Variants in EYA1 observed in about 807,000 individuals in gnomAD.
EYA1 encodes the protein protein phosphatase EYA1.
In EYA1, 16 loss-of-function variants were observed where a neutral mutation model predicts 82.0. That is an observed-to-expected ratio of 0.20 (90% confidence interval 0.13 to 0.30). The LOEUF is 0.30. Ranked by LOEUF, EYA1 falls within the 10% of genes least tolerant of loss-of-function variation. The pLI is 1.00. For missense variants in EYA1, 633 were observed against 730.7 expected, an observed-to-expected ratio of 0.87 and a Z score of 1.54; for synonymous variants, 261 against 264.4, an observed-to-expected ratio of 0.99 and a Z score of 0.12.
At position 71,314,894 on chromosome 8, in the gene EYA1, A is replaced by G. The variant is rs1339462158; in HGVS notation, c.556+2658T>C. Among the ~76,000 whole-genome samples, 3 of 152,250 alleles carry G rather than the reference A, an allele frequency of 2.0e-5. No homozygotes were observed. The East Asian group carries it at 5.8e-4, about 29-fold the overall frequency. On this transcript the variant is annotated intron_variant, in intron 7 of 17. Coordinates refer to ENST00000340726, the MANE Select transcript of EYA1 (RefSeq NM_000503.6). ...ATAATAAATCTATGGCTAGAAAAGCAGTGCCTAATTTGGTGCTATACATGT... is the reference window on the plus strand; with the variant it reads ...ATAATAAATCTATGGCTAGAAAAGCGGTGCCTAATTTGGTGCTATACATGT...
chr8:71,374,439 C>G (rs1254517716), intron 2 of EYA1, among the ~76,000 whole-genome samples: 1 of 152,014 alleles, frequency 6.6e-6, no homozygotes, highest in African/African-American at 2.4e-5. Context: ...TGAGATATCA[C>G]CTTACACCTG....
chr8:71,438,896 A>G (rs1563614747), intron 2 of EYA1, among the ~76,000 whole-genome samples: 2 of 152,150 alleles, frequency 1.3e-5, no homozygotes, highest in African/African-American at 4.8e-5. Flanking sequence ...CTGACAGGTC[A>G]CAGCAGTTCA....
intron 2 of EYA1, among the ~76,000 whole-genome samples, chr8:71,390,311 C>G (rs1829205847): frequency 6.6e-6 from 1 of 150,994 alleles, no homozygotes; most frequent in South Asian, 2.1e-4. Context: ...CACTCTGTTG[C>G]CCAGGCTGGA....
At chr8:71,227,195 G>A (rs888420413) in intron 12 of EYA1, among the ~76,000 whole-genome samples, 2 of 151,528 alleles carry the variant, frequency 1.3e-5, no homozygotes, top group African/African-American at 4.8e-5. Context: ...TTTTGGAACA[G>A]CAACTCAGAA....
chr8:71,270,742 A>G (rs1816419486), intron 10 of EYA1, among the ~76,000 whole-genome samples: 1 of 152,184 alleles, frequency 6.6e-6, no homozygotes. Flanking sequence ...CCCCCAAAAT[A>G]TGTCTCATTA....
At chr8:71,407,562 C>T (rs1830327445) in intron 2 of EYA1, among the ~76,000 whole-genome samples, 1 of 134,972 alleles carries the variant, frequency 7.4e-6, no homozygotes, top group Non-Finnish European at 1.6e-5. Context: ...GGCTCGAGAA[C>T]TACGTGAAGA....
At chr8:71,375,861 T>A (rs1828343209) in intron 2 of EYA1, among the ~76,000 whole-genome samples, 1 of 152,140 alleles carries the variant, frequency 6.6e-6, no homozygotes, top group South Asian at 2.1e-4. Context: ...ACTCCTGACC[T>A]CAGGTGATCC....
At chr8:71,350,573 C>A (rs1451273374) in intron 3 of EYA1, among the ~76,000 whole-genome samples, 1 of 152,092 alleles carries the variant, frequency 6.6e-6, no homozygotes, top group African/African-American at 2.4e-5. Flanking sequence ...TTCCTGAAAC[C>A]CTATGTGCAG....
intron 9 of EYA1, among the ~76,000 whole-genome samples, chr8:71,281,255 T>G (rs1817783775): frequency 6.6e-6 from 1 of 152,194 alleles, no homozygotes; most frequent in Non-Finnish European, 1.5e-5. Context: ...GAGAATGTTT[T>G]TTTCTTGAAT....
At chr8:71,542,496 C>T (rs1815217019) in intron 1 of EYA1, among the ~76,000 whole-genome samples, 1 of 152,150 alleles carries the variant, frequency 6.6e-6, no homozygotes, top group Non-Finnish European at 1.5e-5. Flanking sequence ...CATGTCTTTG[C>T]TATTGTAAAT....
At chr8:71,361,539 G>C in intron 1 of EYA1, 108 bp downstream of exon 1, 2 of 493,082 alleles carry the variant, frequency 4.1e-6, no homozygotes, top group Non-Finnish European at 5.3e-6. Flanking sequence ...GTTTTTCTTT[G>C]AAAACAAATC....
intron 12 of EYA1, among the ~76,000 whole-genome samples, chr8:71,232,565 C>T (rs117061110): frequency 2.5e-3 from 379 of 152,328 alleles, no homozygotes; most frequent in Non-Finnish European, 3.7e-3. Context: ...GCACACCTCC[C>T]GGCATGCAAC....
chr8:71,322,103 A>T, intron 5 of EYA1, 96 bp downstream of exon 5: 1 of 1,223,548 alleles, frequency 8.2e-7, no homozygotes, highest in Non-Finnish European at 1.2e-6. Context: ...ACTTTCATTT[A>T]AATTAAGATG....
At chr8:71,476,932 G>A (rs1009392105) in intron 2 of EYA1, among the ~76,000 whole-genome samples, 5 of 151,996 alleles carry the variant, frequency 3.3e-5, no homozygotes, top group African/African-American at 1.2e-4. Context: ...ACACATCTAG[G>A]TCGATTTTTT....
intron 2 of EYA1, among the ~76,000 whole-genome samples, chr8:71,398,299 G>A (rs1017544190): frequency 2.6e-5 from 4 of 152,252 alleles, no homozygotes; most frequent in Admixed American, 6.5e-5. Context: ...CTCTCAACTC[G>A]TCAAAGTCAT....
intron 2 of EYA1, among the ~76,000 whole-genome samples, chr8:71,498,304 A>G (rs1811568639): frequency 6.6e-6 from 1 of 152,230 alleles, no homozygotes; most frequent in African/African-American, 2.4e-5. Context: ...AGTATGTTGT[A>G]CATGATAAAT....
intron 2 of EYA1, among the ~76,000 whole-genome samples, chr8:71,474,198 T>TAAAAAAAAAAAA (rs199862429): frequency 9.6e-6 from 1 of 104,220 alleles, no homozygotes; most frequent in African/African-American, 3.0e-5. Context: ...AAAGTAAAAT[T>TAAAAAAAAAAAA]AAAAAAAAAA....
chr8:71,547,443 T>A (rs1057311831), intron 1 of EYA1: 1 of 152,256 alleles, frequency 6.6e-6, no homozygotes, highest in Admixed American at 6.5e-5. Context: ...GCTGCACCTC[T>A]CCCCTGCCGG....
intron 11 of EYA1, among the ~76,000 whole-genome samples, chr8:71,253,697 G>A (rs1814030249): frequency 6.6e-6 from 1 of 152,270 alleles, no homozygotes; most frequent in South Asian, 2.1e-4. Context: ...CTATCAGTTA[G>A]TTCTCTCACT....
Sources: allele counts gnomAD v4.1 joint callset (sites outside exome capture counted in the v4.1 genomes callset), GRCh38; gene constraint gnomAD v4.1.1; transcripts MANE v1.5; gene names NCBI Gene and HGNC (gene_info 2026-07-23, HGNC 2026-07-21).